The following CCDC63 variants were observed in gnomAD, a reference collection of about 807,000 sequenced individuals.
CCDC63 encodes the protein coiled-coil domain containing 63.
In CCDC63, 54 loss-of-function variants were observed where a neutral mutation model predicts 63.6. The observed-to-expected ratio is 0.85, with a 90% CI of 0.68 to 1.07. CCDC63 has a LOEUF of 1.07. Ranked by LOEUF, CCDC63 falls within the 50% of genes least tolerant of loss-of-function variation. The pLI, the probability that CCDC63 is intolerant of heterozygous loss-of-function variation, is 0.00. For missense variants in CCDC63, 637 were observed against 689.6 expected, an observed-to-expected ratio of 0.92 and a Z score of 0.86; for synonymous variants, 253 against 266.1, an observed-to-expected ratio of 0.95 and a Z score of 0.48.
chr12:110,867,935 C>G (rs1308625373), intron 4 of CCDC63, among the ~76,000 whole-genome samples: 1 of 143,336 alleles, frequency 7.0e-6, no homozygotes, highest in African/African-American at 2.6e-5. Context: ...ACTTCTCAGA[C>G]GGGGCAGCTG....
intron 9 of CCDC63, among the ~76,000 whole-genome samples, chr12:110,897,413 T>G (rs916760113): frequency 4.0e-5 from 6 of 151,098 alleles, no homozygotes; most frequent in African/African-American, 1.5e-4. Flanking sequence ...CACAGCAAGA[T>G]CCCATCTCTA....
intron 10 of CCDC63, among the ~76,000 whole-genome samples, chr12:110,902,117 C>T (rs997715448): frequency 6.6e-6 from 1 of 152,162 alleles, no homozygotes; most frequent in African/African-American, 2.4e-5. Context: ...AGGTGTGAGC[C>T]ACCACGCCCG....
Position 110,904,785 on chromosome 12 carries a change from GA to G in CCDC63, c.1541del (p.Asp514ValfsTer22). Reference protein sequence around the residue: ...LGADPFSDRLDDVEQPLDHSS... With the variant: ...LGADPFSDRLXDVEQPLDHSS... Reference sequence around the variant, plus strand: ...GGCTGACCCCTTCAGCGACAGGTTGGATGATGGTGAGTTCTCTCTCTCTCAA... The same window carrying G: ...GGCTGACCCCTTCAGCGACAGGTTGGTGATGGTGAGTTCTCTCTCTCTCAA... On this transcript the variant is annotated frameshift_variant, in exon 11 of 12. Transcript: ENST00000308208. LOFTEE classifies it low-confidence loss of function (END_TRUNC). 6.2e-7 allele frequency: 1 copy of G among 1,607,720 alleles called. No individual in the cohort carries two copies. The highest frequency in any genetic ancestry group is 1.1e-5 in the South Asian group (1 of 90,340).
At chr12:110,880,874 G>T (rs1389158810) in intron 6 of CCDC63, among the ~76,000 whole-genome samples, 2 of 133,160 alleles carry the variant, frequency 1.5e-5, no homozygotes, top group African/African-American at 5.5e-5. Context: ...TGGTGATGAT[G>T]ATGATGGTGA....
At chr12:110,887,880 C>T (rs1420129617) in intron 8 of CCDC63, among the ~76,000 whole-genome samples, 1 of 152,162 alleles carries the variant, frequency 6.6e-6, no homozygotes, top group Non-Finnish European at 1.5e-5. Flanking sequence ...ACAGCGTGAG[C>T]CACCGCGCCC....
At chr12:110,855,645 G>A (rs775093413) in intron 3 of CCDC63, among the ~76,000 whole-genome samples, 7 of 152,028 alleles carry the variant, frequency 4.6e-5, no homozygotes, top group Admixed American at 2.0e-4. Flanking sequence ...GCAATGGTGC[G>A]ATCTTGGCTC....
In CCDC63 at chr12:110,868,021, G is replaced by A. The variant is rs1437969783; in HGVS notation, c.370-5821G>A. On this transcript the variant is annotated intron_variant, in intron 4 of 11. Coordinates refer to ENST00000308208, the MANE Select transcript of CCDC63 (RefSeq NM_152591.3). Reference sequence around the variant, plus strand: ...GGTCTCCTCACTTCTCAGACGGGGCGGCCGGGCAGAGACGCTCCTCACCTC... The same window carrying A: ...GGTCTCCTCACTTCTCAGACGGGGCAGCCGGGCAGAGACGCTCCTCACCTC... 6.1e-5 allele frequency among the ~76,000 whole-genome samples: 9 copies of A among 147,918 alleles called. No homozygotes were observed. In the South Asian group the frequency reaches 6.5e-4, roughly 11 times the overall value.
intron 11 of CCDC63, among the ~76,000 whole-genome samples, chr12:110,906,718 G>A (rs1278842533): frequency 1.3e-5 from 2 of 152,024 alleles, no homozygotes; most frequent in Non-Finnish European, 2.9e-5. Flanking sequence ...AGACTGAAAC[G>A]CAGCAGGAGT....
rs11449717 is a variant in CCDC63, at chr12:110,892,818, C to CAA, written c.1075-249_1075-248dup. 5.2e-3 allele frequency among the ~76,000 whole-genome samples: 770 copies of CAA among 146,800 alleles called. 9 individuals are homozygous for CAA. Among genetic ancestry groups the CAA allele is most frequent in the African/African-American group, 0.018 (711 of 39,972 alleles). The stretch of plus-strand genomic sequence containing the variant: ...TAGGCATCGCAGCGAGACTTCATCT[C>CAA]AAAAAAAAAAGATAAAGAAAGAAAG... On this transcript the variant is annotated intron_variant, in intron 8 of 11. Coordinates refer to ENST00000308208, the MANE Select transcript of CCDC63 (RefSeq NM_152591.3).
chr12:110,847,109 A>G lies in CCDC63; in HGVS notation c.-97+4A>G, dbSNP rs2070646718. On this transcript the variant is annotated splice_donor_region_variant and intron_variant, in intron 1 of 11. Transcript: ENST00000308208. ...AGCAGTCCGGGCCCCGCCACTGGTAAGTTTCGCCGCCCGCCCGGCCGCGCC... is the reference window on the plus strand; with the variant it reads ...AGCAGTCCGGGCCCCGCCACTGGTAGGTTTCGCCGCCCGCCCGGCCGCGCC... The G allele has an allele frequency of 6.6e-6, 1 of 152,272 alleles. No individual in the cohort carries two copies. The highest frequency in any genetic ancestry group is 6.5e-5 in the Admixed American group (1 of 15,284). 9.4% of individuals were successfully genotyped at this position (152,272 alleles called of 1,614,324 possible).
chr12:110,878,814 A>G (rs1446332835), intron 5 of CCDC63, among the ~76,000 whole-genome samples: 1 of 152,186 alleles, frequency 6.6e-6, no homozygotes, highest in African/African-American at 2.4e-5. Context: ...AGAAACCTTC[A>G]TCCTTTTATT....
At chr12:110,863,738 A>C (rs1593650127) in intron 4 of CCDC63, among the ~76,000 whole-genome samples, 1 of 152,154 alleles carries the variant, frequency 6.6e-6, no homozygotes, top group South Asian at 2.1e-4. Flanking sequence ...ATGGGGTTTC[A>C]CCATGTTAGC....
intron 1 of CCDC63, among the ~76,000 whole-genome samples, 176 bp from the exon 2 acceptor site, chr12:110,852,683 G>A (rs1329619102): frequency 6.6e-6 from 1 of 152,136 alleles, no homozygotes; most frequent in East Asian, 1.9e-4. Flanking sequence ...GGCAAACATT[G>A]CTTTAAAACA....
At chr12:110,862,578 G>A (rs1267522455) in intron 4 of CCDC63, among the ~76,000 whole-genome samples, 7 of 152,172 alleles carry the variant, frequency 4.6e-5, no homozygotes, top group African/African-American at 1.7e-4. Context: ...ATGTACTCAT[G>A]AGAGCCACCA....
intron 11 of CCDC63, among the ~76,000 whole-genome samples, chr12:110,906,152 T>A (rs2071576973): frequency 7.8e-6 from 1 of 128,880 alleles, no homozygotes; most frequent in Non-Finnish European, 1.6e-5. Context: ...TTTTTGGTTG[T>A]CACAACTGAA....
chr12:110,888,386 C>T (rs1420441396), intron 8 of CCDC63, among the ~76,000 whole-genome samples: 2 of 152,194 alleles, frequency 1.3e-5, no homozygotes, highest in African/African-American at 2.4e-5. Context: ...ATTTTCCCCA[C>T]TCCTCATAAG....
chr12:110,846,065 G>C (rs1441062456), upstream of CCDC63: 1 of 151,694 alleles, frequency 6.6e-6, no homozygotes, highest in Non-Finnish European at 1.5e-5. Flanking sequence ...GCCTCCCAAA[G>C]TGCTAGGATT....
At chr12:110,886,479 C>A (rs945513195) in intron 8 of CCDC63, among the ~76,000 whole-genome samples, 1 of 152,104 alleles carries the variant, frequency 6.6e-6, no homozygotes, top group Non-Finnish European at 1.5e-5. Context: ...GGGACTGTTT[C>A]CAGACATCTA....
chr12:110,866,471 C>T (rs573470605), intron 4 of CCDC63, among the ~76,000 whole-genome samples: 266 of 142,630 alleles, frequency 1.9e-3, no homozygotes, highest in African/African-American at 6.6e-3. Context: ...TGCGGCCTTC[C>T]GCAGTGTTTG....
Sources: gnomAD v4.1 joint callset for allele counts (sites outside exome capture counted in the v4.1 genomes callset) on GRCh38, gnomAD v4.1.1 for gene constraint, MANE v1.5 for transcripts, NCBI Gene and HGNC (gene_info 2026-07-23, HGNC 2026-07-21) for gene names.